Variants in FHIT observed in about 807,000 individuals in gnomAD.
The protein encoded by FHIT is fragile histidine triad diadenosine triphosphatase.
A neutral mutation model predicts 17.9 loss-of-function variants in FHIT; 19 were observed. That is an observed-to-expected ratio of 1.06 (90% CI 0.74 to 1.56). The LOEUF (loss-of-function observed/expected upper bound fraction) is 1.56, where lower values mean the gene tolerates loss of function less well. Ranked by LOEUF, FHIT falls within the 40% of genes most tolerant of loss-of-function variation. The pLI is 0.00. For synonymous variants in FHIT, 81 were observed against 69.7 expected, an observed-to-expected ratio of 1.16 and a Z score of -0.81; for missense variants, 248 against 189.2, an observed-to-expected ratio of 1.31 and a Z score of -1.82.
At chr3:60,707,225 T>C (rs1384575544) in intron 4 of FHIT, among the ~76,000 whole-genome samples, 4 of 152,268 alleles carry the variant, frequency 2.6e-5, no homozygotes, top group Middle Eastern at 3.4e-3. Flanking sequence ...TGCTGTTAAG[T>C]AAAGGATGTG....
intron 7 of FHIT, among the ~76,000 whole-genome samples, chr3:59,936,428 A>G (rs1479872763): frequency 6.7e-6 from 1 of 149,658 alleles, no homozygotes; most frequent in Non-Finnish European, 1.5e-5. Context: ...ACATTGCTTT[A>G]CTGTTTGCTA....
At chr3:60,440,076 AT>A (rs2030657347) in intron 5 of FHIT, among the ~76,000 whole-genome samples, 1 of 152,174 alleles carries the variant, frequency 6.6e-6, no homozygotes, top group Non-Finnish European at 1.5e-5. Context: ...CCAGAGTCTC[AT>A]TTTATATGCA....
chr3:60,523,149 C>T (rs1576808448), intron 5 of FHIT, among the ~76,000 whole-genome samples: 1 of 152,258 alleles, frequency 6.6e-6, no homozygotes, highest in East Asian at 1.9e-4. Context: ...GGCTCCCTCC[C>T]ATAACACGTG....
At chr3:61,009,910 T>G (rs2031691216) in intron 3 of FHIT, among the ~76,000 whole-genome samples, 1 of 152,114 alleles carries the variant, frequency 6.6e-6, no homozygotes, top group Non-Finnish European at 1.5e-5. Flanking sequence ...AGCTTGAAGG[T>G]TTCTTTTCTA....
intron 4 of FHIT, among the ~76,000 whole-genome samples, chr3:60,724,834 A>G (rs936979111): frequency 6.6e-5 from 10 of 151,926 alleles, no homozygotes; most frequent in Admixed American, 4.6e-4. Context: ...ATTTTAGTTG[A>G]GATGGGGTTT....
At chr3:61,164,551 A>G (rs1467107338) in intron 2 of FHIT, among the ~76,000 whole-genome samples, 1 of 152,244 alleles carries the variant, frequency 6.6e-6, no homozygotes, top group East Asian at 1.9e-4. Flanking sequence ...AAGTTATTTA[A>G]GTTCTCTAAG....
chr3:60,405,233 C>T (rs1354681575), intron 5 of FHIT, among the ~76,000 whole-genome samples: 3 of 152,198 alleles, frequency 2.0e-5, no homozygotes, highest in Non-Finnish European at 4.4e-5. Context: ...ACCCACCCTT[C>T]ACCTATTTAA....
At chr3:60,601,610 G>C (rs2038447611) in intron 4 of FHIT, among the ~76,000 whole-genome samples, 1 of 152,054 alleles carries the variant, frequency 6.6e-6, no homozygotes, top group African/African-American at 2.4e-5. Context: ...TAGTGAGCAG[G>C]ATAAAAATAA....
At chr3:60,258,234 T>A (rs1706114821) in intron 5 of FHIT, among the ~76,000 whole-genome samples, 1 of 152,072 alleles carries the variant, frequency 6.6e-6, no homozygotes, top group Non-Finnish European at 1.5e-5. Flanking sequence ...GTACATCCCA[T>A]GAAACACTCT....
chr3:60,195,553 A>ATATATATATATATATATATTTATT (rs148013554), intron 5 of FHIT, among the ~76,000 whole-genome samples: 5 of 136,508 alleles, frequency 3.7e-5, no homozygotes, highest in Non-Finnish European at 6.1e-5. Context: ...TGTGATATAT[A>ATATATATATATATATATATTTATT]TATATATTTA....
chr3:61,215,078 T>A (rs1168933416), intron 1 of FHIT, among the ~76,000 whole-genome samples: 1 of 151,638 alleles, frequency 6.6e-6, no homozygotes, highest in Non-Finnish European at 1.5e-5. Context: ...ACTGGAAGCA[T>A]TCCCTTTGAA....
chr3:59,857,705 G>GTTTTTTTTTTTTTT (rs78150569), intron 8 of FHIT, among the ~76,000 whole-genome samples: 107 of 115,376 alleles, frequency 9.3e-4, no homozygotes, highest in African/African-American at 3.1e-3. Context: ...AAAGTGCTGG[G>GTTTTTTTTTTTTTT]TTTTTTTTTT....
intron 5 of FHIT, among the ~76,000 whole-genome samples, chr3:60,354,132 T>A (rs1699543813): frequency 6.6e-6 from 1 of 152,148 alleles, no homozygotes; most frequent in South Asian, 2.1e-4. Context: ...TTAATTTTTA[T>A]GACATATGAC....
intron 8 of FHIT, among the ~76,000 whole-genome samples, chr3:59,850,982 A>T (rs1701909287): frequency 6.6e-6 from 1 of 152,214 alleles, no homozygotes. Flanking sequence ...ATAGTCTTCC[A>T]GTTTCATTGT....
chr3:60,617,826 T>C (rs1488167275), intron 4 of FHIT: 1 of 150,482 alleles, frequency 6.6e-6, no homozygotes, highest in Non-Finnish European at 1.5e-5. Context: ...CAAAAGTAAC[T>C]ATGGTTTTTG....
intron 5 of FHIT, among the ~76,000 whole-genome samples, chr3:60,530,960 G>C (rs1012537615): frequency 6.6e-6 from 1 of 152,096 alleles, no homozygotes. Context: ...ACAGAAGTAG[G>C]AAAAAGAAAG....
chr3:59,813,689 G>A (rs1700486793), intron 8 of FHIT, among the ~76,000 whole-genome samples: 1 of 152,098 alleles, frequency 6.6e-6, no homozygotes, highest in African/African-American at 2.4e-5. Context: ...TTATTAGGAT[G>A]GTTTTTTAGG....
chr3:60,849,686 A>G (rs188814181), intron 3 of FHIT, among the ~76,000 whole-genome samples: 10 of 152,058 alleles, frequency 6.6e-5, no homozygotes, highest in Non-Finnish European at 1.5e-4. Context: ...CATTTCTGCC[A>G]TTTACCTGTT....
intron 3 of FHIT, among the ~76,000 whole-genome samples, chr3:61,028,672 A>G (rs1364811986): frequency 6.6e-6 from 1 of 152,186 alleles, no homozygotes; most frequent in African/African-American, 2.4e-5. Flanking sequence ...CTCCTGACCC[A>G]GAGCACTGTA....
Sources: allele counts gnomAD v4.1 joint callset (sites outside exome capture counted in the v4.1 genomes callset), GRCh38; gene constraint gnomAD v4.1.1; transcripts MANE v1.5; gene names NCBI Gene and HGNC (gene_info 2026-07-23, HGNC 2026-07-21).